The following MLIP variants were observed in gnomAD, a reference collection of about 807,000 sequenced individuals.
The protein encoded by MLIP is muscular LMNA-interacting protein.
A neutral mutation model predicts 84.8 loss-of-function variants in MLIP; 79 were observed. The ratio of observed to expected loss-of-function variants is 0.93; its 90% CI spans 0.78 to 1.12. The LOEUF (loss-of-function observed/expected upper bound fraction) is 1.12. MLIP is among the 50% of genes most tolerant of loss of function. MLIP has a pLI of 0.00. For missense variants in MLIP, 1,257 were observed against 1,160.6 expected, an observed-to-expected ratio of 1.08 and a Z score of -1.21; for synonymous variants, 504 against 463.0, an observed-to-expected ratio of 1.09 and a Z score of -1.14.
chr6:54,217,497 A>G lies in MLIP; in HGVS notation c.2719-13217A>G, dbSNP rs1779932018. ...TGTGTCTGTCAGTTAAGCAGAGCTA[A>G]ATTAATATATTCACTGCATATTTGT... On this transcript the variant is annotated intron_variant, in intron 11 of 13. Transcript: ENST00000502396. The G allele has an allele frequency of 6.1e-6, 6 of 985,250 alleles. No individual in the cohort carries two copies. The South Asian group carries it at 2.8e-4, about 46-fold the overall frequency. The allele number at this position is 985,250 out of a possible 1,614,324, so 61.0% of individuals were successfully genotyped here.
intron 1 of MLIP, among the ~76,000 whole-genome samples, chr6:54,070,725 T>C (rs564125188): frequency 9.8e-5 from 15 of 152,338 alleles, no homozygotes; most frequent in African/African-American, 3.4e-4. Context: ...TGGTCTTCTT[T>C]TTAGCATATT....
chr6:54,071,329 GA>G (rs111236677), intron 1 of MLIP, among the ~76,000 whole-genome samples: 45 of 148,498 alleles, frequency 3.0e-4, no homozygotes, highest in African/African-American at 7.4e-4. Flanking sequence ...TCTTCAAAAA[GA>G]AAAAAAAACA....
At chr6:54,107,104 T>C (rs1005402449), upstream of MLIP, among the ~76,000 whole-genome samples, 3 of 152,244 alleles carry the variant, frequency 2.0e-5, no homozygotes, top group Non-Finnish European at 4.4e-5. Flanking sequence ...TCTGTGCCTC[T>C]TTCAAATTCT....
intron 4 of MLIP, among the ~76,000 whole-genome samples, chr6:54,145,020 C>T (rs1772655421): frequency 6.6e-6 from 1 of 152,132 alleles, no homozygotes; most frequent in African/African-American, 2.4e-5. Context: ...GTTTTCCAAA[C>T]CTAAACTTTG....
chr6:54,257,138 T>G (rs1283457184), intron 12 of MLIP, among the ~76,000 whole-genome samples, 170 bp from the exon 13 acceptor site: 1 of 152,188 alleles, frequency 6.6e-6, no homozygotes, highest in African/African-American at 2.4e-5. Flanking sequence ...CAAAATATCT[T>G]CCTTTTGTCT....
upstream of MLIP, among the ~76,000 whole-genome samples, chr6:54,108,225 AG>A (rs775938741): frequency 1.4e-4 from 22 of 152,314 alleles, no homozygotes; most frequent in Non-Finnish European, 2.6e-4. Context: ...TCAACAGAGC[AG>A]TTTGTGTTTG....
intron 3 of MLIP, 138 bp downstream of exon 3, chr6:54,125,003 C>A: frequency 1.5e-6 from 1 of 656,302 alleles, no homozygotes; most frequent in Non-Finnish European, 2.4e-6. Flanking sequence ...ACCATTATCT[C>A]AGGGTAATAA....
At chr6:54,098,519 C>A (rs559220367) in intron 1 of MLIP, among the ~76,000 whole-genome samples, 3 of 151,570 alleles carry the variant, frequency 2.0e-5, no homozygotes, top group Non-Finnish European at 2.9e-5. Flanking sequence ...GGAAAAGAAC[C>A]AGGGCAGGAT....
At chr6:54,215,356 T>A in intron 11 of MLIP, 1 of 1,306,580 alleles carries the variant, frequency 7.7e-7, no homozygotes, top group African/African-American at 1.5e-5. Flanking sequence ...TTCAATTTTA[T>A]CCTACAAAAA....
intron 11 of MLIP, among the ~76,000 whole-genome samples, chr6:54,205,827 C>T (rs1778998035): frequency 6.6e-6 from 1 of 151,954 alleles, no homozygotes; most frequent in African/African-American, 2.4e-5. Flanking sequence ...AAATTGTCTT[C>T]GTTCATTATT....
chr6:54,068,470 C>T lies in MLIP; in HGVS notation c.63+49379C>T, dbSNP rs541297489. ...CTTTCTGACTGAAAAATGTGGTTGC[C>T]ACGTGGCTGACAACAGACCACTAGT... On this transcript the variant is annotated intron_variant, in intron 1 of 12. Coordinates refer to the MLIP transcript ENST00000274897. 8.1e-5 allele frequency among the ~76,000 whole-genome samples: 8 copies of T among 99,288 alleles called. 1 individual carries two copies. Among genetic ancestry groups the T allele is most frequent in the Admixed American group, 1.9e-4 (2 of 10,670 alleles). 65.1% of individuals were successfully genotyped at this position (99,288 alleles called of 152,430 possible).
intron 1 of MLIP, among the ~76,000 whole-genome samples, chr6:54,034,800 G>A (rs1319143269): frequency 6.6e-6 from 1 of 152,124 alleles, no homozygotes; most frequent in Admixed American, 6.6e-5. Flanking sequence ...GTCTACAGTA[G>A]TGTAGAGTAA....
In MLIP at chr6:54,068,999, T is replaced by C. The variant is rs1358502859; in HGVS notation, c.63+49908T>C. ...TGAGAAGTCAGATGGGGAAACATTC[T>C]AGAAAAGAGGACAGTTTTACAGATG... On this transcript the variant is annotated intron_variant, in intron 1 of 12. Transcript: ENST00000274897. Among the ~76,000 whole-genome samples the C allele has an allele frequency of 4.9e-5, 5 of 101,194 alleles. 1 individual carries two copies. The highest frequency in any genetic ancestry group is 4.5e-4 in the Admixed American group (5 of 11,010). 66.4% of individuals were successfully genotyped at this position (101,194 alleles called of 152,430 possible).
At chr6:54,245,392 T>G (rs1782009093) in intron 12 of MLIP, among the ~76,000 whole-genome samples, 1 of 152,128 alleles carries the variant, frequency 6.6e-6, no homozygotes, top group East Asian at 1.9e-4. Flanking sequence ...TATCCACACC[T>G]GATGCAAAGG....
intron 1 of MLIP, among the ~76,000 whole-genome samples, chr6:54,034,360 C>T (rs1360106243): frequency 6.6e-6 from 1 of 152,054 alleles, no homozygotes; most frequent in Non-Finnish European, 1.5e-5. Flanking sequence ...TGAAATTTTG[C>T]AGTGCAGTCA....
At chr6:54,108,838 A>T (rs1472250648), upstream of MLIP, among the ~76,000 whole-genome samples, 1 of 152,104 alleles carries the variant, frequency 6.6e-6, no homozygotes, top group Non-Finnish European at 1.5e-5. Context: ...GAAAGAAAAG[A>T]TCAGAGAGGA....
At chr6:54,121,772 G>A (rs1022116267) in intron 2 of MLIP, among the ~76,000 whole-genome samples, 170 bp downstream of exon 2, 2 of 152,072 alleles carry the variant, frequency 1.3e-5, no homozygotes, top group African/African-American at 4.8e-5. Flanking sequence ...CAAATTGCAT[G>A]TTCTCTCTAA....
At chr6:54,151,088 T>C (rs983452917) in intron 5 of MLIP, among the ~76,000 whole-genome samples, 1 of 152,102 alleles carries the variant, frequency 6.6e-6, no homozygotes, top group Non-Finnish European at 1.5e-5. Flanking sequence ...CTAGTGTAGG[T>C]TGTTGTCTCT....
rs192928672 is a variant in MLIP at position 54,220,916 on chromosome 6, G to A, written c.2719-9798G>A. Among the ~76,000 whole-genome samples, 255 of 149,208 alleles carry A rather than the reference G, an allele frequency of 1.7e-3. 3 individuals carry two copies. The highest frequency in any genetic ancestry group is 0.015 in the Admixed American group (225 of 14,946). On this transcript the variant is annotated intron_variant, in intron 11 of 13. Transcript: ENST00000502396. ...TTATAGGTAACCTATAACGACAAAG[G>A]AGATATACACACACACACACACACG...
Sources: allele counts gnomAD v4.1 joint callset (sites outside exome capture counted in the v4.1 genomes callset), GRCh38; gene constraint gnomAD v4.1.1; transcripts MANE v1.5; gene names NCBI Gene and HGNC (gene_info 2026-07-23, HGNC 2026-07-21).